ASIC2: variants seen among roughly 807,000 people sequenced by gnomAD.
The protein encoded by ASIC2 is acid sensing ion channel subunit 2.
ASIC2 carries 25 observed loss-of-function variants against 57.3 expected under a neutral mutation model. The ratio of observed to expected loss-of-function variants is 0.44; its 90% CI spans 0.32 to 0.61. The LOEUF is 0.61. Ranked by LOEUF, ASIC2 falls within the 20% of genes least tolerant of loss-of-function variation. ASIC2 has a pLI of 0.06. For synonymous variants in ASIC2, 319 were observed against 307.5 expected, an observed-to-expected ratio of 1.04 and a Z score of -0.39; for missense variants, 641 against 738.1, an observed-to-expected ratio of 0.87 and a Z score of 1.52.
intron 1 of ASIC2, among the ~76,000 whole-genome samples, chr17:33,612,259 C>T (rs1226818494): frequency 6.6e-6 from 1 of 152,176 alleles, no homozygotes; most frequent in Non-Finnish European, 1.5e-5. Context: ...AATATCTGAG[C>T]ACCCTGTGGC....
intron 1 of ASIC2, among the ~76,000 whole-genome samples, chr17:33,905,053 T>A (rs570303487): frequency 6.6e-6 from 1 of 151,880 alleles, no homozygotes; most frequent in African/African-American, 2.4e-5. Flanking sequence ...CCATCATTGG[T>A]CACAAATGTT....
chr17:34,042,587 A>G (rs1567798490), intron 1 of ASIC2, among the ~76,000 whole-genome samples: 1 of 152,234 alleles, frequency 6.6e-6, no homozygotes, highest in East Asian at 1.9e-4. Flanking sequence ...GGAATGACAA[A>G]AGGACAGAAG....
At chr17:34,133,353 G>A (rs1912048235) in intron 1 of ASIC2, among the ~76,000 whole-genome samples, 1 of 152,198 alleles carries the variant, frequency 6.6e-6, no homozygotes, top group African/African-American at 2.4e-5. Context: ...TCGGTAAATG[G>A]TTCTTTCCTC....
chr17:33,433,527 G>A (rs772110403), intron 1 of ASIC2, among the ~76,000 whole-genome samples: 6 of 152,300 alleles, frequency 3.9e-5, no homozygotes, highest in African/African-American at 7.2e-5. Flanking sequence ...AGGCCAAGGC[G>A]GGTGGATCTC....
intron 1 of ASIC2, among the ~76,000 whole-genome samples, chr17:33,999,177 T>A (rs892666686): frequency 6.6e-6 from 1 of 152,192 alleles, no homozygotes; most frequent in Non-Finnish European, 1.5e-5. Flanking sequence ...TAAGCAGAGC[T>A]ACTCCTGCTT....
intron 1 of ASIC2, among the ~76,000 whole-genome samples, chr17:34,104,205 T>A (rs1472584192): frequency 6.6e-6 from 1 of 152,164 alleles, no homozygotes; most frequent in East Asian, 1.9e-4. Context: ...TTTACATTTT[T>A]ATAAAATTGT....
chr17:33,244,355 GCCT>G (rs78085175), intron 1 of ASIC2, among the ~76,000 whole-genome samples: 18,265 of 152,166 alleles, frequency 0.12, 1,129 homozygotes, highest in Middle Eastern at 0.22. Flanking sequence ...GGAAAATGAG[GCCT>G]CTAGGAAGTG....
chr17:33,788,305 G>A (rs930355834), intron 1 of ASIC2, among the ~76,000 whole-genome samples: 3 of 152,080 alleles, frequency 2.0e-5, no homozygotes, highest in African/African-American at 7.2e-5. Flanking sequence ...ATGAAAAAAA[G>A]CTCAACATCA....
chr17:33,914,317 T>A (rs1915536858), intron 1 of ASIC2, among the ~76,000 whole-genome samples: 1 of 152,204 alleles, frequency 6.6e-6, no homozygotes, highest in Non-Finnish European at 1.5e-5. Context: ...AGTTCTCATT[T>A]ATGTTATCCA....
chr17:34,136,968 C>G (rs1365186237), intron 1 of ASIC2, among the ~76,000 whole-genome samples: 1 of 152,172 alleles, frequency 6.6e-6, no homozygotes, highest in Non-Finnish European at 1.5e-5. Context: ...CCTGGAAGAT[C>G]CTCACCTGCT....
upstream of ASIC2, among the ~76,000 whole-genome samples, chr17:33,298,037 T>A (rs1905794097): frequency 6.7e-6 from 1 of 150,040 alleles, no homozygotes. Context: ...TGTCTTTCCC[T>A]TCTCTTCTTC....
chr17:33,109,424 C>T (rs1342004247), intron 2 of ASIC2, among the ~76,000 whole-genome samples: 2 of 152,158 alleles, frequency 1.3e-5, no homozygotes, highest in Non-Finnish European at 2.9e-5. Context: ...CCCCATCCAT[C>T]CCCTGCCCCT....
At chr17:33,324,353 C>T (rs570778711) in intron 1 of ASIC2, among the ~76,000 whole-genome samples, 2 of 152,162 alleles carry the variant, frequency 1.3e-5, no homozygotes, top group Non-Finnish European at 2.9e-5. Flanking sequence ...TGACTCTCTG[C>T]CCCTCAATTT....
chr17:33,134,907 A>G (rs1376785888), intron 1 of ASIC2, among the ~76,000 whole-genome samples: 1 of 152,204 alleles, frequency 6.6e-6, no homozygotes, highest in Non-Finnish European at 1.5e-5. Context: ...AGAAACTCAA[A>G]CCAGCATCAA....
chr17:33,257,914 G>A (rs1204381001), intron 1 of ASIC2, among the ~76,000 whole-genome samples: 1 of 152,194 alleles, frequency 6.6e-6, no homozygotes, highest in Non-Finnish European at 1.5e-5. Flanking sequence ...TTGCTTGCTA[G>A]GTGGAGATTA....
intron 1 of ASIC2, among the ~76,000 whole-genome samples, chr17:33,299,950 G>T (rs1051425723): frequency 6.6e-6 from 1 of 152,200 alleles, no homozygotes; most frequent in Non-Finnish European, 1.5e-5. Flanking sequence ...CACACCGGTT[G>T]ATACTGATAA....
intron 1 of ASIC2, among the ~76,000 whole-genome samples, chr17:33,870,734 A>G (rs1914382533): frequency 6.6e-6 from 1 of 152,188 alleles, no homozygotes; most frequent in African/African-American, 2.4e-5. Context: ...CTAAGTGTTG[A>G]CAACTCTTAG....
intron 1 of ASIC2, among the ~76,000 whole-genome samples, chr17:33,442,189 A>G (rs573331087): frequency 2.0e-5 from 3 of 152,308 alleles, no homozygotes; most frequent in South Asian, 4.1e-4. Flanking sequence ...GATTTATAGT[A>G]TGTTTTGAAA....
chr17:33,343,470 C>T (rs1000504801), intron 1 of ASIC2, among the ~76,000 whole-genome samples: 2 of 152,170 alleles, frequency 1.3e-5, no homozygotes, highest in East Asian at 3.9e-4. Context: ...CATTGGCTTC[C>T]TCACTTTATT....
Sources: allele counts gnomAD v4.1 joint callset (sites outside exome capture counted in the v4.1 genomes callset), GRCh38; gene constraint gnomAD v4.1.1; transcripts MANE v1.5; gene names NCBI Gene and HGNC (gene_info 2026-07-23, HGNC 2026-07-21).